Variants in GPD2 observed in about 807,000 individuals in gnomAD.
GPD2 encodes glycerol-3-phosphate dehydrogenase 2, also known as glycerol-3-phosphate dehydrogenase, mitochondrial.
GPD2 carries 54 observed loss-of-function variants against 82.4 expected under a neutral mutation model. That is an observed-to-expected ratio of 0.66 (90% CI 0.53 to 0.82). GPD2 has a LOEUF of 0.82. Ranked by LOEUF, GPD2 falls within the 40% of genes least tolerant of loss-of-function variation. The pLI is 0.00. For missense variants in GPD2, 748 were observed against 896.2 expected, an observed-to-expected ratio of 0.83 and a Z score of 2.11; for synonymous variants, 288 against 306.1, an observed-to-expected ratio of 0.94 and a Z score of 0.62.
chr2:156,462,472 T>C (rs1453057027), intron 1 of GPD2, among the ~76,000 whole-genome samples: 1 of 150,226 alleles, frequency 6.7e-6, no homozygotes, highest in African/African-American at 2.4e-5. Context: ...TTTTTTTTTT[T>C]TGTATTTTTA....
intron 3 of GPD2, among the ~76,000 whole-genome samples, chr2:156,499,876 G>GT (rs1008449636): frequency 6.6e-5 from 10 of 151,112 alleles, no homozygotes; most frequent in Non-Finnish European, 1.0e-4. Flanking sequence ...TCTGAGAATA[G>GT]TAAGACTAGT....
chr2:156,469,966 C>T (rs910450540), intron 1 of GPD2, among the ~76,000 whole-genome samples: 5 of 152,078 alleles, frequency 3.3e-5, no homozygotes, highest in African/African-American at 1.2e-4. Context: ...AGGGTGAGTC[C>T]ATAAAGTGAA....
chr2:156,402,641 T>C, the GPD2 span, among the ~76,000 whole-genome samples: 1 of 152,140 alleles, frequency 6.6e-6, no homozygotes, highest in Non-Finnish European at 1.5e-5. Flanking sequence ...CCACCATGCA[T>C]GGCTAATTTT....
chr2:156,437,197 T>C (rs2105130893), intron 1 of GPD2, among the ~76,000 whole-genome samples: 1 of 152,272 alleles, frequency 6.6e-6, no homozygotes, highest in South Asian at 2.1e-4. Flanking sequence ...ATAAATATCA[T>C]AGGAGGCAGC....
intron 2 of GPD2, among the ~76,000 whole-genome samples, chr2:156,484,559 G>T (rs2105218551): frequency 6.6e-6 from 1 of 152,118 alleles, no homozygotes; most frequent in East Asian, 1.9e-4. Context: ...TTCCTTGATG[G>T]CCAGTTGAGG....
intron 2 of GPD2, among the ~76,000 whole-genome samples, chr2:156,484,276 C>T (rs1462988664): frequency 2.6e-5 from 4 of 151,960 alleles, no homozygotes; most frequent in African/African-American, 7.3e-5. Context: ...GCTGGGATTA[C>T]AGTCGCCTGC....
At chr2:156,527,254 T>TA (rs201178276) in intron 6 of GPD2, among the ~76,000 whole-genome samples, 46 of 147,082 alleles carry the variant, frequency 3.1e-4, no homozygotes, top group East Asian at 5.9e-4. Context: ...GGAAATGTAA[T>TA]AAAAAAAAAA....
intron 6 of GPD2, among the ~76,000 whole-genome samples, chr2:156,548,046 T>C (rs181426993): frequency 6.6e-6 from 1 of 152,192 alleles, no homozygotes; most frequent in Admixed American, 6.5e-5. Flanking sequence ...GCAGGGTGTT[T>C]CCTTGTTAGA....
chr2:156,550,524 T>C, intron 7 of GPD2, 78 bp from the exon 8 acceptor site: 2 of 1,397,762 alleles, frequency 1.4e-6, no homozygotes, highest in Non-Finnish European at 2.0e-6. Context: ...GTTAAGTTAA[T>C]AGATGAATTA....
intron 8 of GPD2, among the ~76,000 whole-genome samples, chr2:156,556,346 A>C (rs1686961780): frequency 6.6e-6 from 1 of 152,230 alleles, no homozygotes; most frequent in East Asian, 1.9e-4. Flanking sequence ...AAATAGAAGC[A>C]GCTATCTGAA....
the GPD2 span, among the ~76,000 whole-genome samples, chr2:156,423,757 T>C: frequency 6.6e-6 from 1 of 152,248 alleles, no homozygotes; most frequent in African/African-American, 2.4e-5. Flanking sequence ...TCATTCCATT[T>C]TTCTTTGCCC....
intron 1 of GPD2, among the ~76,000 whole-genome samples, chr2:156,439,900 T>G (rs1321465116): frequency 6.9e-6 from 1 of 145,172 alleles, no homozygotes. Flanking sequence ...TGCCAGTTAT[T>G]CTATTCAGTT....
rs112712975 is a variant in GPD2 at position 156,439,803 on chromosome 2, T to C, written c.-9+3290T>C. Among the ~76,000 whole-genome samples, 197 of 151,782 alleles carry C rather than the reference T, an allele frequency of 1.3e-3. 2 individuals are homozygous for C. Among genetic ancestry groups the C allele is most frequent in the African/African-American group, 4.1e-3 (170 of 41,464 alleles). The stretch of plus-strand genomic sequence containing the variant: ...CAGAGGTTGCAGTGAGTCAAGATTG[T>C]GCCATTGCACTCCAGCCTGGGCGAC... On this transcript the variant is annotated intron_variant, in intron 1 of 16. Transcript: ENST00000438166.
intron 2 of GPD2, among the ~76,000 whole-genome samples, chr2:156,478,462 TG>T (rs1430421140): frequency 6.6e-6 from 1 of 152,034 alleles, no homozygotes; most frequent in Non-Finnish European, 1.5e-5. Context: ...AGCATGTATT[TG>T]GGGGGTAGCA....
At chr2:156,552,558 A>G (rs1686798330) in intron 8 of GPD2, among the ~76,000 whole-genome samples, 1 of 152,114 alleles carries the variant, frequency 6.6e-6, no homozygotes, top group South Asian at 2.1e-4. Flanking sequence ...TTTAGCTTTT[A>G]CTAGATTCAA....
At chr2:156,458,154 T>C (rs568526782) in intron 1 of GPD2, among the ~76,000 whole-genome samples, 2 of 152,298 alleles carry the variant, frequency 1.3e-5, no homozygotes, top group Admixed American at 1.3e-4. Context: ...AGGCAAGCAC[T>C]AAATTATCAC....
At chr2:156,537,096 G>A (rs1573975734) in intron 6 of GPD2, among the ~76,000 whole-genome samples, 1 of 152,232 alleles carries the variant, frequency 6.6e-6, no homozygotes, top group East Asian at 1.9e-4. Flanking sequence ...GACGTCTACA[G>A]TGGGAGAGAC....
At chr2:156,561,404 T>A (rs983296016) in intron 9 of GPD2, among the ~76,000 whole-genome samples, 1 of 152,130 alleles carries the variant, frequency 6.6e-6, no homozygotes, top group Admixed American at 6.6e-5. Flanking sequence ...TAAGTAAGTC[T>A]GGTTCTAATA....
intron 6 of GPD2, among the ~76,000 whole-genome samples, chr2:156,532,519 G>A (rs1020657503): frequency 6.6e-6 from 1 of 152,066 alleles, no homozygotes. Context: ...TGAACAATAG[G>A]TTTCAGACAA....
Sources: allele counts gnomAD v4.1 joint callset (sites outside exome capture counted in the v4.1 genomes callset), GRCh38; gene constraint gnomAD v4.1.1; transcripts MANE v1.5; gene names NCBI Gene and HGNC (gene_info 2026-07-23, HGNC 2026-07-21).